Variants in EXT1 observed in about 807,000 individuals in gnomAD.
EXT1 encodes the protein exostosin-1.
EXT1 carries 20 observed loss-of-function variants against 82.5 expected under a neutral mutation model. The observed-to-expected ratio is 0.24, with a 90% CI of 0.17 to 0.35. The LOEUF (loss-of-function observed/expected upper bound fraction) is 0.35. Among genes scored for constraint, EXT1 ranks in the 10% least tolerant of loss-of-function variants. The pLI is 1.00. For missense variants in EXT1, 757 were observed against 936.5 expected (o/e 0.81, Z 2.50); for synonymous variants, 348 against 350.8 (o/e 0.99, Z 0.09).
intron 1 of EXT1, among the ~76,000 whole-genome samples, chr8:117,873,771 G>C (rs757891164): frequency 1.3e-5 from 2 of 152,106 alleles, no homozygotes; most frequent in Non-Finnish European, 2.9e-5. Flanking sequence ...TTAAAGGAGA[G>C]AGTTAAAGTG....
chr8:117,827,215 C>T (rs114977112), intron 4 of EXT1, among the ~76,000 whole-genome samples: 225 of 152,174 alleles, frequency 1.5e-3, no homozygotes, highest in African/African-American at 4.6e-3. Context: ...CTCTTTGGCT[C>T]ATTAAAATCA....
intron 3 of EXT1, among the ~76,000 whole-genome samples, chr8:117,831,045 C>T (rs140104783): frequency 2.0e-5 from 3 of 152,280 alleles, no homozygotes; most frequent in African/African-American, 7.2e-5. Context: ...TTCAGGTTAG[C>T]AGAGTGGATT....
At chr8:117,957,864 G>A (rs543522002) in intron 1 of EXT1, among the ~76,000 whole-genome samples, 2 of 152,332 alleles carry the variant, frequency 1.3e-5, no homozygotes, top group South Asian at 4.1e-4. Flanking sequence ...TATCTGTGCA[G>A]TTCAAGATAC....
intron 1 of EXT1, among the ~76,000 whole-genome samples, chr8:117,846,137 T>G (rs576145171): frequency 6.6e-6 from 1 of 152,334 alleles, no homozygotes; most frequent in East Asian, 1.9e-4. Context: ...CAGAGTCTTC[T>G]TGCTCTGTTG....
At position 117,799,802 on chromosome 8, in the gene EXT1, C is replaced by T. The variant is rs2129679774; in HGVS notation, c.2151G>A (p.Leu717=). The T allele has an allele frequency of 6.2e-7, 1 of 1,614,174 alleles. No individual in the cohort carries two copies. ...GGTCGAGCCTCATCTGAGAGTGGAT[C>T]AGCGGCATGTAGCCAAACCAGCTGG... The part of the protein sequence containing the change: ...TFASWFGYMP[L]IHSQMRLDPV... Residue 717 remains leucine (L), a synonymous_variant, in exon 11 of 11, where the codon CTG becomes CTA. Coordinates refer to ENST00000378204, the MANE Select transcript of EXT1 (RefSeq NM_000127.3).
At chr8:118,108,920 A>T (rs1817842448) in intron 1 of EXT1, among the ~76,000 whole-genome samples, 1 of 152,130 alleles carries the variant, frequency 6.6e-6, no homozygotes, top group Admixed American at 6.5e-5. Context: ...TACTCAGCTG[A>T]GAGGTTCCCC....
chr8:117,815,695 G>C (rs750329647), intron 7 of EXT1, among the ~76,000 whole-genome samples: 9 of 152,176 alleles, frequency 5.9e-5, no homozygotes, highest in Admixed American at 2.0e-4. Context: ...ACTTTGGGAG[G>C]CCTAGGCGGT....
chr8:118,037,842 T>TTTG (rs1563636586), intron 1 of EXT1, among the ~76,000 whole-genome samples: 3 of 144,788 alleles, frequency 2.1e-5, no homozygotes, highest in African/African-American at 7.7e-5. Flanking sequence ...TTTTGTTTTT[T>TTTG]TTTTTTTTTT....
intron 1 of EXT1, among the ~76,000 whole-genome samples, chr8:117,867,701 C>T (rs1341718249): frequency 6.6e-6 from 1 of 152,190 alleles, no homozygotes; most frequent in Non-Finnish European, 1.5e-5. Flanking sequence ...TCTCCCTGCC[C>T]TCTTCATTCT....
chr8:117,860,717 C>T (rs754043325), intron 1 of EXT1, among the ~76,000 whole-genome samples: 1 of 152,152 alleles, frequency 6.6e-6, no homozygotes, highest in African/African-American at 2.4e-5. Flanking sequence ...TGCCAAAATC[C>T]GGATTTCAGG....
intron 1 of EXT1, among the ~76,000 whole-genome samples, chr8:117,846,557 A>T (rs1223200264): frequency 6.6e-6 from 1 of 152,066 alleles, no homozygotes; most frequent in African/African-American, 2.4e-5. Flanking sequence ...AGTGGCAGGG[A>T]GGGGGTGCAG....
chr8:118,087,847 A>T (rs1817451455), intron 1 of EXT1, among the ~76,000 whole-genome samples: 1 of 151,832 alleles, frequency 6.6e-6, no homozygotes, highest in South Asian at 2.1e-4. Context: ...ACAAGCCTTT[A>T]CAGATAATTA....
intron 1 of EXT1, among the ~76,000 whole-genome samples, chr8:117,898,955 T>A (rs920354242): frequency 6.6e-6 from 1 of 152,152 alleles, no homozygotes; most frequent in Non-Finnish European, 1.5e-5. Flanking sequence ...GACCCCCAAA[T>A]GCTTCCTTTT....
At chr8:118,006,676 T>C (rs1815782386) in intron 1 of EXT1, among the ~76,000 whole-genome samples, 1 of 152,212 alleles carries the variant, frequency 6.6e-6, no homozygotes, top group South Asian at 2.1e-4. Flanking sequence ...CCATCTAAAC[T>C]GTCTGAATCT....
At position 118,052,745 on chromosome 8, in the gene EXT1, A is replaced by C. The variant is rs181082806; in HGVS notation, c.962+57340T>G. Among the ~76,000 whole-genome samples the C allele has an allele frequency of 5.3e-5, 8 of 152,352 alleles. No individual in the cohort carries two copies. In the East Asian group the frequency reaches 1.5e-3, roughly 29 times the overall value. On this transcript the variant is annotated intron_variant, in intron 1 of 10. Transcript: ENST00000378204. ...CAGCATAGGTTCATTAGATCAGGTG[A>C]GTAAGGAAAGTTAACAAGAAGCAAA...
chr8:117,875,850 G>T (rs916750601), intron 1 of EXT1, among the ~76,000 whole-genome samples: 6 of 152,096 alleles, frequency 3.9e-5, no homozygotes. Flanking sequence ...GCAAGCAGTG[G>T]GCAGTGACCG....
chr8:117,807,486 A>C (rs1277408622), intron 8 of EXT1, 109 bp from the exon 9 acceptor site: 1 of 1,231,014 alleles, frequency 8.1e-7, no homozygotes, highest in Non-Finnish European at 1.2e-6. Flanking sequence ...GACTGTGGCG[A>C]AACATTAATT....
Position 117,930,244 on chromosome 8 carries a change from T to C in EXT1, c.963-93043A>G, listed in dbSNP as rs1412875779. Among the ~76,000 whole-genome samples, 3 of 152,148 alleles carry C rather than the reference T, an allele frequency of 2.0e-5. No individual in the cohort carries two copies. The Middle Eastern group carries it at 9.5e-3, about 481-fold the overall frequency. ...ACCAGTCAACATCTTTCTTGAGATA[T>C]TCACACCTCAAGAGGAAGAAATGAA... is the stretch of plus-strand genomic sequence containing the variant. On this transcript the variant is annotated intron_variant, in intron 1 of 10. Transcript: ENST00000378204.
At chr8:118,073,855 A>G (rs1310651528) in intron 1 of EXT1, among the ~76,000 whole-genome samples, 1 of 152,228 alleles carries the variant, frequency 6.6e-6, no homozygotes, top group African/African-American at 2.4e-5. Flanking sequence ...TACTGTGTTA[A>G]GCATTTTATA....
Sources: gnomAD v4.1 joint callset for allele counts (sites outside exome capture counted in the v4.1 genomes callset) on GRCh38, gnomAD v4.1.1 for gene constraint, MANE v1.5 for transcripts, NCBI Gene and HGNC (gene_info 2026-07-23, HGNC 2026-07-21) for gene names.